The following ASPH variants were observed in gnomAD, a reference collection of about 807,000 sequenced individuals.
The protein encoded by ASPH is aspartate beta-hydroxylase, also known as aspartyl/asparaginyl beta-hydroxylase.
ASPH carries 100 observed loss-of-function variants against 118.4 expected under a neutral mutation model. That is an observed-to-expected ratio of 0.84 (90% confidence interval 0.72 to 1.00). The LOEUF is 1.00. Among genes scored for constraint, ASPH ranks in the 50% least tolerant of loss-of-function variants. ASPH has a pLI of 0.00. For missense variants in ASPH, 920 were observed against 919.5 expected (o/e 1.00, Z -0.01); for synonymous variants, 315 against 325.6 (o/e 0.97, Z 0.35).
chr8:61,555,728 T>C (rs1262015717), intron 19 of ASPH, among the ~76,000 whole-genome samples, 196 bp downstream of exon 19: 1 of 152,256 alleles, frequency 6.6e-6, no homozygotes, highest in Non-Finnish European at 1.5e-5. Flanking sequence ...CTCAAGTGGT[T>C]GGTATCCTGA....
intron 21 of ASPH, among the ~76,000 whole-genome samples, chr8:61,542,801 C>G (rs1224834616): frequency 6.6e-6 from 1 of 152,032 alleles, no homozygotes; most frequent in Non-Finnish European, 1.5e-5. Flanking sequence ...CTAGCATTAA[C>G]TTCTCCCAGT....
At chr8:61,662,083 T>G (rs115108109) in intron 3 of ASPH, among the ~76,000 whole-genome samples, 2 of 152,122 alleles carry the variant, frequency 1.3e-5, no homozygotes, top group African/African-American at 4.8e-5. Flanking sequence ...TTGATGATGA[T>G]GTAAGTGCTT....
chr8:61,624,347 T>C, intron 13 of ASPH: 10 of 985,366 alleles, frequency 1.0e-5, no homozygotes, highest in Non-Finnish European at 1.2e-5. Flanking sequence ...TTCCTGGCAA[T>C]GTAGCATGAT....
chr8:61,521,780 A>G (rs1813131741), intron 22 of ASPH, among the ~76,000 whole-genome samples: 1 of 152,252 alleles, frequency 6.6e-6, no homozygotes, highest in Admixed American at 6.5e-5. Flanking sequence ...TGGAAGAATC[A>G]TTTAAATTTA....
At chr8:61,531,412 AG>A (rs1444555498) in intron 21 of ASPH, among the ~76,000 whole-genome samples, 2 of 152,138 alleles carry the variant, frequency 1.3e-5, no homozygotes, top group Non-Finnish European at 2.9e-5. Flanking sequence ...GACACACCAC[AG>A]GTAAAATTGA....
chr8:61,597,758 C>T (rs1842871516), intron 14 of ASPH, among the ~76,000 whole-genome samples: 1 of 152,074 alleles, frequency 6.6e-6, no homozygotes, highest in African/African-American at 2.4e-5. Context: ...AAAAAAATTG[C>T]CAGCTAAGAT....
At chr8:61,600,136 C>A (rs1355221112) in intron 14 of ASPH, among the ~76,000 whole-genome samples, 1 of 152,048 alleles carries the variant, frequency 6.6e-6, no homozygotes, top group East Asian at 1.9e-4. Flanking sequence ...ATCGATAGGA[C>A]AAAAACCATA....
At chr8:61,579,250 T>A (rs1312873907) in intron 15 of ASPH, 2 of 1,613,890 alleles carry the variant, frequency 1.2e-6, no homozygotes, top group African/African-American at 2.7e-5. Flanking sequence ...CGTGGAGAGC[T>A]GGCCATTAAG....
intron 10 of ASPH, among the ~76,000 whole-genome samples, chr8:61,639,810 T>C (rs896170237): frequency 2.0e-5 from 3 of 152,152 alleles, no homozygotes; most frequent in Non-Finnish European, 4.4e-5. Flanking sequence ...ACTGGACTCA[T>C]GAGCCCCTGC....
At chr8:61,578,389 C>T in intron 15 of ASPH, 1 of 1,604,578 alleles carries the variant, frequency 6.2e-7, no homozygotes, top group Admixed American at 1.7e-5. Context: ...TATAGTGGGG[C>T]CAGCGGCATG....
intron 1 of ASPH, among the ~76,000 whole-genome samples, chr8:61,690,997 A>T (rs1832482424): frequency 6.6e-6 from 1 of 152,150 alleles, no homozygotes; most frequent in Non-Finnish European, 1.5e-5. Context: ...TATTTTATCT[A>T]TCCTTTTATA....
chr8:61,539,209 C>T (rs112751276), intron 21 of ASPH, among the ~76,000 whole-genome samples: 2,364 of 152,140 alleles, frequency 0.016, 59 homozygotes, highest in African/African-American at 0.054. Flanking sequence ...CCACTGCACC[C>T]CAGACTGGGC....
At chr8:61,674,783 T>C (rs1004045676) in intron 3 of ASPH, among the ~76,000 whole-genome samples, 1 of 152,190 alleles carries the variant, frequency 6.6e-6, no homozygotes, top group African/African-American at 2.4e-5. Context: ...AGTAATTTGA[T>C]TAGATATAGA....
intron 24 of ASPH, 149 bp downstream of exon 24, chr8:61,517,379 T>C: frequency 8.7e-7 from 1 of 1,150,408 alleles, no homozygotes; most frequent in Non-Finnish European, 1.2e-6. Context: ...CAAGAAGGGA[T>C]ATAGACTTAA....
rs147046139 is a variant in ASPH at position 61,667,619 on chromosome 8, C to G, written c.322+13349G>C. On this transcript the variant is annotated intron_variant, in intron 3 of 24. Transcript: ENST00000379454. ...TGACCTCGTGATCCACCCGCCTCAG[C>G]TTCCCAAAGGGCTGGGATTACAGGC... 2.6e-3 allele frequency among the ~76,000 whole-genome samples: 394 copies of G among 152,314 alleles called. 1 individual carries two copies. The highest frequency in any genetic ancestry group is 9.2e-3 in the African/African-American group (381 of 41,562).
rs376805688 is a variant in ASPH, at chr8:61,594,578, T to C, written c.977-10549A>G. ...TGCTTTTCACAGTGTCAGTTACAGA[T>C]GGTCTACAATAGTCCCAAAATAGCT... On this transcript the variant is annotated intron_variant, in intron 14 of 24. Coordinates refer to ENST00000379454, the MANE Select transcript of ASPH (RefSeq NM_004318.4). Among the ~76,000 whole-genome samples, 239 of 152,342 alleles carry C rather than the reference T, an allele frequency of 1.6e-3. 6 individuals carry two copies. In the South Asian group the frequency reaches 0.039, roughly 25 times the overall value.
At chr8:61,534,966 G>A (rs1193438879) in intron 21 of ASPH, among the ~76,000 whole-genome samples, 1 of 152,216 alleles carries the variant, frequency 6.6e-6, no homozygotes, top group East Asian at 1.9e-4. Context: ...GGCTTACAGA[G>A]GGCCAACTTC....
chr8:61,628,501 C>T (rs1283141796), intron 13 of ASPH, among the ~76,000 whole-genome samples: 2 of 151,936 alleles, frequency 1.3e-5, no homozygotes, highest in Admixed American at 6.6e-5. Flanking sequence ...ATATAACATC[C>T]TCTGAGAAGA....
Position 61,603,508 on chromosome 8 carries a change from G to GA in ASPH, c.976+15469dup, listed in dbSNP as rs375311283. Reference sequence around the variant, plus strand: ...GGACATCCATAACTACTGCTACATAGAAAAAAAAATCCTATGTGGAATATG... The same window carrying GA: ...GGACATCCATAACTACTGCTACATAGAAAAAAAAAATCCTATGTGGAATATG... On this transcript the variant is annotated intron_variant, in intron 14 of 24. Coordinates refer to ENST00000379454, the MANE Select transcript of ASPH (RefSeq NM_004318.4). Among the ~76,000 whole-genome samples, 145 of 151,576 alleles carry GA rather than the reference G, an allele frequency of 9.6e-4. 1 individual carries two copies. Among genetic ancestry groups the GA allele is most frequent in the South Asian group, 3.5e-3 (17 of 4,802 alleles).
Sources: gnomAD v4.1 joint callset for allele counts (sites outside exome capture counted in the v4.1 genomes callset) on GRCh38, gnomAD v4.1.1 for gene constraint, MANE v1.5 for transcripts, NCBI Gene and HGNC (gene_info 2026-07-23, HGNC 2026-07-21) for gene names.